ANKS1B: variants seen among roughly 807,000 people sequenced by gnomAD.
ANKS1B encodes ankyrin repeat and sterile alpha motif domain containing 1B.
A neutral mutation model predicts 148.3 loss-of-function variants in ANKS1B; 36 were observed. The observed-to-expected ratio is 0.24, with a 90% CI of 0.19 to 0.32. The LOEUF (loss-of-function observed/expected upper bound fraction) is 0.32, where lower values mean the gene tolerates loss of function less well. ANKS1B is among the 10% of genes least tolerant of loss of function. The probability of loss-of-function intolerance (pLI) is 1.00; values close to 1 mark genes in which losing one functional copy is unlikely to be tolerated. For missense variants in ANKS1B, 1,157 were observed against 1,542.6 expected (o/e 0.75, Z 4.19); for synonymous variants, 542 against 560.8 (o/e 0.97, Z 0.47).
intron 17 of ANKS1B, among the ~76,000 whole-genome samples, chr12:98,845,975 TATATACACACACAC>T (rs993760797): frequency 2.0e-5 from 2 of 98,496 alleles, no homozygotes; most frequent in Admixed American, 9.8e-5. Flanking sequence ...CATATATATA[TATATACACACACAC>T]ACACACACAC....
chr12:98,779,246 T>C (rs969677613), intron 24 of ANKS1B, among the ~76,000 whole-genome samples: 1 of 152,224 alleles, frequency 6.6e-6, no homozygotes, highest in African/African-American at 2.4e-5. Flanking sequence ...GCAATTGAAG[T>C]AGAAGTATCT....
At chr12:99,378,172 T>A (rs1453339840) in intron 12 of ANKS1B, among the ~76,000 whole-genome samples, 1 of 152,184 alleles carries the variant, frequency 6.6e-6, no homozygotes, top group African/African-American at 2.4e-5. Context: ...GTCCTCCCTG[T>A]TAAACAATAT....
intron 16 of ANKS1B, among the ~76,000 whole-genome samples, chr12:99,058,134 T>C (rs1303048144): frequency 2.0e-5 from 3 of 152,102 alleles, no homozygotes; most frequent in Non-Finnish European, 4.4e-5. Flanking sequence ...CAAATGCATC[T>C]TCATGAGACT....
chr12:99,954,995 C>A (rs564907005), intron 1 of ANKS1B, among the ~76,000 whole-genome samples: 3 of 152,332 alleles, frequency 2.0e-5, no homozygotes, highest in African/African-American at 7.2e-5. Flanking sequence ...TCTGCCTTGA[C>A]CATTGAGACT....
chr12:99,069,037 A>G (rs2045452801), intron 16 of ANKS1B, among the ~76,000 whole-genome samples: 1 of 152,192 alleles, frequency 6.6e-6, no homozygotes, highest in Non-Finnish European at 1.5e-5. Context: ...GCAGGGACCA[A>G]GTCTTCTCCA....
intron 10 of ANKS1B, among the ~76,000 whole-genome samples, chr12:99,449,760 T>C (rs1030076393): frequency 6.6e-6 from 1 of 152,104 alleles, no homozygotes; most frequent in African/African-American, 2.4e-5. Flanking sequence ...TGCGTGATAT[T>C]TGAGAGCAGT....
chr12:99,574,922 C>T (rs1597371487), intron 9 of ANKS1B, among the ~76,000 whole-genome samples: 1 of 152,026 alleles, frequency 6.6e-6, no homozygotes, highest in East Asian at 1.9e-4. Context: ...CTAGCCAGTA[C>T]AGTGAGGCAA....
At chr12:99,882,193 C>T (rs1157158546) in intron 1 of ANKS1B, among the ~76,000 whole-genome samples, 2 of 151,974 alleles carry the variant, frequency 1.3e-5, no homozygotes, top group African/African-American at 4.8e-5. Flanking sequence ...AACTTGAAAG[C>T]AGATCAGTAT....
chr12:99,326,765 G>T (rs1253608051), intron 12 of ANKS1B, among the ~76,000 whole-genome samples: 1 of 150,748 alleles, frequency 6.6e-6, no homozygotes, highest in Non-Finnish European at 1.5e-5. Flanking sequence ...CCTGATATAT[G>T]GCACTTGATA....
At chr12:99,677,805 C>G (rs1020048328) in intron 8 of ANKS1B, among the ~76,000 whole-genome samples, 1 of 151,928 alleles carries the variant, frequency 6.6e-6, no homozygotes, top group Non-Finnish European at 1.5e-5. Context: ...AACCCTGTCT[C>G]TACTAAAAAT....
chr12:99,356,924 T>C (rs1043946873), intron 12 of ANKS1B, among the ~76,000 whole-genome samples: 1 of 138,056 alleles, frequency 7.2e-6, no homozygotes, highest in Non-Finnish European at 1.6e-5. Context: ...TTTTGGTCCA[T>C]ATTCTTCTAG....
chr12:99,893,150 A>C (rs1274586656), intron 1 of ANKS1B, among the ~76,000 whole-genome samples: 1 of 151,910 alleles, frequency 6.6e-6, no homozygotes, highest in Non-Finnish European at 1.5e-5. Context: ...GTGGCTCACA[A>C]CTGTAATCCT....
Position 99,751,428 on chromosome 12 carries a change from G to A in ANKS1B, c.1128+21494C>T, listed in dbSNP as rs530091022. ...CATTAAAATATTTAAAAGAAGAATG[G>A]TCCCGCCAGCATAGCTCTTATTCAG... On this transcript the variant is annotated intron_variant, in intron 8 of 26. Coordinates refer to ENST00000683438, the MANE Select transcript of ANKS1B (RefSeq NM_001352186.2). 2.8e-4 allele frequency among the ~76,000 whole-genome samples: 42 copies of A among 152,014 alleles called. No individual in the cohort carries two copies. In the South Asian group the frequency reaches 7.5e-3, roughly 27 times the overall value.
At chr12:99,293,341 G>T (rs187910043) in intron 12 of ANKS1B, among the ~76,000 whole-genome samples, 1,911 of 151,736 alleles carry the variant, frequency 0.013, 15 homozygotes, top group Non-Finnish European at 0.017. Flanking sequence ...TCACACACTG[G>T]GGCCTGTCGG....
At chr12:98,944,288 G>C (rs969354383) in intron 17 of ANKS1B, among the ~76,000 whole-genome samples, 1 of 96,456 alleles carries the variant, frequency 1.0e-5, no homozygotes, top group Non-Finnish European at 2.0e-5. Context: ...TGACAAGAGC[G>C]AAACTCCACC....
chr12:98,899,243 C>G (rs748406762), intron 17 of ANKS1B, among the ~76,000 whole-genome samples: 1 of 152,080 alleles, frequency 6.6e-6, no homozygotes, highest in Non-Finnish European at 1.5e-5. Flanking sequence ...TTGAGCCATG[C>G]TGTTCTAATT....
chr12:99,342,830 CTCT>C lies in ANKS1B; in HGVS notation c.1756+56798_1756+56800del, dbSNP rs1233641582. 1.8e-4 allele frequency among the ~76,000 whole-genome samples: 27 copies of C among 149,432 alleles called. No homozygotes were observed. The East Asian group carries it at 4.4e-3, about 25-fold the overall frequency. On this transcript the variant is annotated intron_variant, in intron 12 of 26. Transcript: ENST00000683438. The stretch of plus-strand genomic sequence containing the variant: ...TTAAAATTAAGTAGATTAGTTTTTT[CTCT>C]TCTTCTTTATTTGACCTTTGAGATA...
In ANKS1B at chr12:99,819,307, T is replaced by C. The variant is rs146290752; in HGVS notation, c.215+6002A>G. On this transcript the variant is annotated intron_variant, in intron 2 of 26. Transcript: ENST00000683438. ...AGAGTGAATAAAGGCAAATTTTAAG[T>C]AGTCTGTATCCTTATCCAGGAAAAA... Among the ~76,000 whole-genome samples the C allele has an allele frequency of 7.2e-5, 11 of 152,000 alleles. No individual in the cohort carries two copies. In the East Asian group the frequency reaches 2.1e-3, roughly 29 times the overall value.
At chr12:99,796,694 T>C (rs1567865266) in intron 4 of ANKS1B, among the ~76,000 whole-genome samples, 3 of 151,940 alleles carry the variant, frequency 2.0e-5, no homozygotes, top group Admixed American at 2.0e-4. Context: ...ATAAGATTTT[T>C]TAAGTGTTTT....
Sources: gnomAD v4.1 joint callset for allele counts (sites outside exome capture counted in the v4.1 genomes callset) on GRCh38, gnomAD v4.1.1 for gene constraint, MANE v1.5 for transcripts, NCBI Gene and HGNC (gene_info 2026-07-23, HGNC 2026-07-21) for gene names.